The following KCNQ2 variants were observed in gnomAD, a reference collection of about 807,000 sequenced individuals.
The protein encoded by KCNQ2 is potassium voltage-gated channel subfamily KQT member 2.
KCNQ2 carries 14 observed loss-of-function variants against 84.8 expected under a neutral mutation model. The ratio of observed to expected loss-of-function variants is 0.17; its 90% CI spans 0.11 to 0.26. The LOEUF is 0.26. KCNQ2 is among the 10% of genes least tolerant of loss of function. The pLI, the probability that KCNQ2 is intolerant of heterozygous loss-of-function variation, is 1.00. For missense variants in KCNQ2, 788 were observed against 1,254.0 expected, an observed-to-expected ratio of 0.63 and a Z score of 5.61; for synonymous variants, 599 against 554.1, an observed-to-expected ratio of 1.08 and a Z score of -1.14.
intron 4 of KCNQ2, among the ~76,000 whole-genome samples, chr20:63,443,108 C>CCAT (rs2081277151): frequency 3.6e-5 from 2 of 56,124 alleles, no homozygotes; most frequent in African/African-American, 6.3e-5. Flanking sequence ...ATCACCATCA[C>CCAT]CACCACCACT....
rs765394232 is a variant in KCNQ2, at chr20:63,433,818, G to A, written c.1109C>T (p.Pro370Leu). The A allele has an allele frequency of 5.0e-6, 8 of 1,613,878 alleles. No homozygotes were observed. The South Asian group carries it at 7.7e-5, about 16-fold the overall frequency. The change falls in exon 8 of 17, where the codon CCC (proline) becomes CTC (leucine). Residue 370 changes from proline (P) to leucine (L), a missense_variant. Physicochemically the swap from Pro to Leu is moderately conservative, Grantham distance 98 (BLOSUM62 -3). Coordinates refer to ENST00000359125, the MANE Select transcript of KCNQ2 (RefSeq NM_172107.4). ...TGCCCGGCGGCGGTACCTGTACATG[G>A]GCACGGTGACCGTTCGCTCGTAGTA... is the stretch of plus-strand genomic sequence containing the variant. Reference protein sequence around the residue: ...WQYYERTVTVPMYSSQTQTYG... With the variant: ...WQYYERTVTVLMYSSQTQTYG...
intron 3 of KCNQ2, 106 bp downstream of exon 3, chr20:63,445,132 G>A (rs1328055709): frequency 2.7e-6 from 4 of 1,490,504 alleles, no homozygotes; most frequent in East Asian, 4.6e-5. Flanking sequence ...AGCCAGTCCT[G>A]CCCAGCCTCT....
rs2145863540 is a variant in KCNQ2 at position 63,460,477 on chromosome 20, C to T, written c.296+11691G>A. ...CCCACAGCCCCCTGAGACAGCCACG[C>T]CTAACCCCCTCCCAAGCAGGCCAGT... On this transcript the variant is annotated intron_variant, in intron 1 of 16. Transcript: ENST00000359125. The surrounding 1 kb of genome is among the most constrained non-coding windows in gnomAD (Gnocchi z 5.4). 6.6e-6 allele frequency among the ~76,000 whole-genome samples: 1 copy of T among 151,882 alleles called. No individual in the cohort carries two copies. Among genetic ancestry groups the T allele is most frequent in the East Asian group, 1.9e-4 (1 of 5,144 alleles).
chr20:63,444,934 C>A, intron 3 of KCNQ2, 100 bp from the exon 4 acceptor site: 1 of 1,326,900 alleles, frequency 7.5e-7, no homozygotes, highest in Admixed American at 2.4e-5. Context: ...TGCAGAGGGG[C>A]GGGAAGGTGT....
rs1388423300 is a variant in KCNQ2 at position 63,446,456 on chromosome 20, G to T, written c.387+291C>A. Reference sequence around the variant, plus strand: ...GGCTCCAGAGATAAAGTGGGGATGGGAAAGGGAGGGTGGCCCACCCAGGGT... The same window carrying T: ...GGCTCCAGAGATAAAGTGGGGATGGTAAAGGGAGGGTGGCCCACCCAGGGT... On this transcript the variant is annotated intron_variant, in intron 2 of 16. Coordinates refer to ENST00000359125, the MANE Select transcript of KCNQ2 (RefSeq NM_172107.4). The surrounding 1 kb of genome is among the most constrained non-coding windows in gnomAD (Gnocchi z 5.5). Among the ~76,000 whole-genome samples the T allele has an allele frequency of 1.3e-5, 2 of 152,192 alleles. No homozygotes were observed. Among genetic ancestry groups the T allele is most frequent in the Non-Finnish European group, 2.9e-5 (2 of 68,028 alleles).
rs1354411692 is a variant in KCNQ2, at chr20:63,415,104, G to A, written c.1324C>T (p.Arg442Cys). The A allele has an allele frequency of 2.5e-6, 4 of 1,601,408 alleles. No individual in the cohort carries two copies. Among genetic ancestry groups the A allele is most frequent in the Non-Finnish European group, 3.4e-6 (4 of 1,179,732 alleles). Residue 442 changes from arginine to cysteine, a missense_variant, in exon 13 of 17, where the codon CGT becomes TGT. Coordinates refer to ENST00000359125, the MANE Select transcript of KCNQ2 (RefSeq NM_172107.4). Reference sequence around the variant, plus strand: ...ACGCCTCGGGGGCTGGAGAAGACACGATCTTTCAAACTGACCTTCTGGCTG... The same window carrying A: ...ACGCCTCGGGGGCTGGAGAAGACACAATCTTTCAAACTGACCTTCTGGCTG... ...RSSQKVSLKD[R>C]VFSSPRGVAA...
Position 63,472,427 on chromosome 20 carries a change from C to A in KCNQ2, c.37G>T (p.Gly13Cys). The change falls in exon 1 of 17, where the codon GGC (glycine) becomes TGC (cysteine). Residue 13 changes from glycine (G) to cysteine (C), a missense_variant. Transcript: ENST00000359125. ...QKSRNGGVYP[G>C]PSGEKKLKVG... ...TTCAGCTTCTTCTCCCCGCTCGGGC[C>A]GGGGTATACGCCGCCGTTGCGCGAC... 3 of 1,536,354 alleles carry A rather than the reference C, an allele frequency of 2.0e-6. No homozygotes were observed. The highest frequency in any genetic ancestry group is 2.6e-6 in the Non-Finnish European group (3 of 1,147,128).
At position 63,408,216 on chromosome 20, in the gene KCNQ2, C is replaced by A. The variant is rs1309072895; in HGVS notation, c.1887+197G>T. ...TGGGTACTGTCAGGAGGGAAGGCAC[C>A]CAGGCCGGGGGTGGGAGGCTCACGG... On this transcript the variant is annotated intron_variant, in intron 16 of 16. Coordinates refer to ENST00000359125, the MANE Select transcript of KCNQ2 (RefSeq NM_172107.4). This position sits in a 1 kb window ranked among gnomAD's most constrained non-coding sequence, Gnocchi z 5.0. 50 of 683,404 alleles carry A rather than the reference C, an allele frequency of 7.3e-5. No individual in the cohort carries two copies. The East Asian group carries it at 1.4e-3, about 19-fold the overall frequency. The allele number at this position is 683,404 out of a possible 1,614,324, so 42.3% of individuals were successfully genotyped here.
At chr20:63,421,200 C>T (rs1363587480) in intron 11 of KCNQ2, among the ~76,000 whole-genome samples, 3 of 152,220 alleles carry the variant, frequency 2.0e-5, no homozygotes, top group Admixed American at 6.5e-5. Flanking sequence ...AGGCCCCTCC[C>T]GGGCCGGCCC....
At chr20:63,463,135 G>C (rs2081998081) in intron 1 of KCNQ2, among the ~76,000 whole-genome samples, 1 of 152,034 alleles carries the variant, frequency 6.6e-6, no homozygotes, top group Admixed American at 6.6e-5. Flanking sequence ...GGTAAGAAGG[G>C]GGTCATCTCC....
Position 63,460,218 on chromosome 20 carries a change from C to T in KCNQ2, c.296+11950G>A, listed in dbSNP as rs1026284682. Among the ~76,000 whole-genome samples, 26 of 152,172 alleles carry T rather than the reference C, an allele frequency of 1.7e-4. No individual in the cohort carries two copies. The highest frequency in any genetic ancestry group is 1.7e-3 in the Admixed American group (26 of 15,288). On this transcript the variant is annotated intron_variant, in intron 1 of 16. Transcript: ENST00000359125. This position sits in a 1 kb window ranked among gnomAD's most constrained non-coding sequence, Gnocchi z 5.4. ...TGGGCTCCTGACCCTGCAGGTCCCT[C>T]CCTGGCCTTACCCAAGCCCTTAGCA...
At position 63,400,467 on chromosome 20, in the gene KCNQ2, G is replaced by C. The variant is rs922993962; in HGVS notation, c.*6177C>G. On this transcript the variant is annotated 3_prime_UTR_variant, in exon 17 of 17. Transcript: ENST00000359125. The surrounding 1 kb of genome is among the most constrained non-coding windows in gnomAD (Gnocchi z 8.7). Reference sequence around the variant, plus strand: ...GGGCGTCTATCCCTAGAAAATGGACGGTGCACAAAGTTGAGATTGAAGTGT... The same window carrying C: ...GGGCGTCTATCCCTAGAAAATGGACCGTGCACAAAGTTGAGATTGAAGTGT... 1.0e-5 allele frequency: 4 copies of C among 397,228 alleles called. No individual in the cohort carries two copies. Among genetic ancestry groups the C allele is most frequent in the Admixed American group, 4.4e-5 (1 of 22,694 alleles). The allele number at this position is 397,228 out of a possible 1,614,324, so 24.6% of individuals were successfully genotyped here.
In KCNQ2 at chr20:63,424,201, T is replaced by TG; in HGVS notation, c.1222_1223insC (p.Asp408AlafsTer10). ...CCTTGGAGACGGCTCCGGCGGGGGG[T>TG]CCTTCCTTCAAACAGAAGCAACAGA... On this transcript the variant is annotated frameshift_variant, in exon 11 of 17. Coordinates refer to ENST00000359125, the MANE Select transcript of KCNQ2 (RefSeq NM_172107.4). LOFTEE classifies it high-confidence loss of function. 1 of 1,551,732 alleles carries TG rather than the reference T, an allele frequency of 6.4e-7. No individual in the cohort carries two copies. The highest frequency in any genetic ancestry group is 1.4e-5 in the African/African-American group (1 of 72,522).
At chr20:63,457,105 C>T (rs978798567) in intron 1 of KCNQ2, among the ~76,000 whole-genome samples, 1 of 152,244 alleles carries the variant, frequency 6.6e-6, no homozygotes. Context: ...CGGGCGCGGG[C>T]GCCGCTGACA....
rs6122453 is a variant in KCNQ2 at position 63,460,454 on chromosome 20, C to G, written c.296+11714G>C. 4.0e-5 allele frequency among the ~76,000 whole-genome samples: 6 copies of G among 151,308 alleles called. No homozygotes were observed. The highest frequency in any genetic ancestry group is 2.6e-4 in the Admixed American group (4 of 15,188). On this transcript the variant is annotated intron_variant, in intron 1 of 16. Transcript: ENST00000359125. This position sits in a 1 kb window ranked among gnomAD's most constrained non-coding sequence, Gnocchi z 5.4. ...GAGGCTCCCAGCAGGCCTTCCCCCC[C>G]ACAGCCCCCTGAGACAGCCACGCCT... is the stretch of plus-strand genomic sequence containing the variant.
At chr20:63,418,501 C>T (rs770401230) in intron 12 of KCNQ2, among the ~76,000 whole-genome samples, 23 of 152,114 alleles carry the variant, frequency 1.5e-4, no homozygotes, top group Non-Finnish European at 7.4e-5. Context: ...GGGGGCTGCT[C>T]GCAGCAGGAC....
Position 63,413,346 on chromosome 20 carries a change from C to T in KCNQ2, c.1763+104G>A, listed in dbSNP as rs774115285. The T allele has an allele frequency of 1.0e-5, 15 of 1,428,672 alleles. No individual in the cohort carries two copies. In the Admixed American group the frequency reaches 2.0e-4, roughly 19 times the overall value. The allele number at this position is 1,428,672 out of a possible 1,614,324, so 88.5% of individuals were successfully genotyped here. ...GGCCGACGTGGGTGGGGAGGAGGCC[C>T]CGCCCACACACCCCCTGCACTCCCA... On this transcript the variant is annotated intron_variant, in intron 15 of 16. Transcript: ENST00000359125.
chr20:63,442,914 C>T (rs928217980), intron 4 of KCNQ2, among the ~76,000 whole-genome samples: 7 of 19,230 alleles, frequency 3.6e-4, no homozygotes, highest in Admixed American at 5.7e-4. Context: ...ACCACCATCA[C>T]CATCACCACC....
intron 1 of KCNQ2, among the ~76,000 whole-genome samples, chr20:63,458,223 G>A (rs1041558049): frequency 9.2e-5 from 14 of 152,046 alleles, no homozygotes; most frequent in South Asian, 4.2e-4. Flanking sequence ...GCAGAGAAGC[G>A]CCCCTGTACC....
Sources: allele counts gnomAD v4.1 joint callset (sites outside exome capture counted in the v4.1 genomes callset), GRCh38; gene constraint gnomAD v4.1.1; non-coding constraint Gnocchi (gnomAD v3.1); transcripts MANE v1.5; gene names NCBI Gene and HGNC (gene_info 2026-07-23, HGNC 2026-07-21).